Variants in GRIK4 observed in about 807,000 individuals in gnomAD.
GRIK4 encodes the protein glutamate receptor ionotropic, kainate 4.
In GRIK4, 40 loss-of-function variants were observed where a neutral mutation model predicts 104.9. The observed-to-expected ratio is 0.38, with a 90% CI of 0.30 to 0.50. The LOEUF (loss-of-function observed/expected upper bound fraction) is 0.50. GRIK4 is among the 20% of genes least tolerant of loss of function. GRIK4 has a pLI of 0.93. For missense variants in GRIK4, 1,047 were observed against 1,308.1 expected (o/e 0.80, Z 3.08); for synonymous variants, 485 against 524.9 (o/e 0.92, Z 1.04).
chr11:120,619,458 T>A (rs1949157872), intron 1 of GRIK4, among the ~76,000 whole-genome samples: 1 of 152,144 alleles, frequency 6.6e-6, no homozygotes, highest in Non-Finnish European at 1.5e-5. Context: ...TTGGAAGGCA[T>A]GATTATATTT....
At chr11:120,976,411 A>C (rs1944561663) in intron 19 of GRIK4, among the ~76,000 whole-genome samples, 1 of 152,256 alleles carries the variant, frequency 6.6e-6, no homozygotes, top group Non-Finnish European at 1.5e-5. Context: ...CCGTTTCAAC[A>C]TGATGAATCA....
intron 9 of GRIK4, chr11:120,872,036 C>T: frequency 2.5e-6 from 1 of 404,334 alleles, no homozygotes; most frequent in African/African-American, 2.1e-5. Flanking sequence ...CCTGTCCTTA[C>T]CACTCCCTGG....
At chr11:120,745,809 A>T (rs148272452) in intron 3 of GRIK4, among the ~76,000 whole-genome samples, 5 of 152,308 alleles carry the variant, frequency 3.3e-5, no homozygotes, top group Non-Finnish European at 5.9e-5. Flanking sequence ...CTTGTTTTGG[A>T]CTGTAGAACA....
At chr11:120,799,972 C>T (rs1018538419) in intron 3 of GRIK4, among the ~76,000 whole-genome samples, 2 of 151,618 alleles carry the variant, frequency 1.3e-5, no homozygotes, top group Non-Finnish European at 2.9e-5. Context: ...CTCAGCACCC[C>T]GAGTAGCTGG....
chr11:120,793,385 G>T (rs1219257630), intron 3 of GRIK4, among the ~76,000 whole-genome samples: 1 of 152,146 alleles, frequency 6.6e-6, no homozygotes, highest in East Asian at 1.9e-4. Flanking sequence ...TGTTAGCACA[G>T]GGGAGCCAGC....
At chr11:120,528,217 T>TC (rs1947880863) in intron 1 of GRIK4, among the ~76,000 whole-genome samples, 1 of 152,224 alleles carries the variant, frequency 6.6e-6, no homozygotes, top group South Asian at 2.1e-4. Flanking sequence ...GCTCAAGCAG[T>TC]CTGCCTGCCT....
At chr11:120,825,216 G>A (rs571276134) in intron 6 of GRIK4, among the ~76,000 whole-genome samples, 49 of 152,226 alleles carry the variant, frequency 3.2e-4, no homozygotes, top group Middle Eastern at 3.4e-3. Context: ...ATGAACCACC[G>A]CGCCTGGCCT....
At chr11:120,526,817 C>A (rs1947862628) in intron 1 of GRIK4, among the ~76,000 whole-genome samples, 1 of 152,078 alleles carries the variant, frequency 6.6e-6, no homozygotes, top group South Asian at 2.1e-4. Flanking sequence ...CCATTGCACT[C>A]CAGCCTGTGC....
intron 4 of GRIK4, among the ~76,000 whole-genome samples, chr11:120,810,653 C>G (rs1952810661): frequency 6.6e-6 from 1 of 152,000 alleles, no homozygotes; most frequent in Non-Finnish European, 1.5e-5. Flanking sequence ...AAATAAATAA[C>G]AAAAATCCAA....
intron 3 of GRIK4, among the ~76,000 whole-genome samples, chr11:120,661,234 A>G (rs916876708): frequency 5.9e-5 from 9 of 152,102 alleles, no homozygotes; most frequent in African/African-American, 1.7e-4. Context: ...AGGGGTGTCT[A>G]TGTGTACATC....
intron 11 of GRIK4, chr11:120,894,884 C>T (rs1592051932): frequency 6.6e-6 from 1 of 152,146 alleles, no homozygotes; most frequent in South Asian, 2.1e-4. Context: ...CTCTGAATCT[C>T]CCTTTCCCTC....
At chr11:120,641,735 AC>A (rs1949474436) in intron 1 of GRIK4, among the ~76,000 whole-genome samples, 1 of 151,908 alleles carries the variant, frequency 6.6e-6, no homozygotes. Flanking sequence ...TTTACCACAC[AC>A]CCTGTTTTAT....
rs1942796967 is a variant in GRIK4, at chr11:120,903,548, T to C, written c.1273-1742T>C. On this transcript the variant is annotated intron_variant, in intron 12 of 20. Transcript: ENST00000527524. The surrounding 1 kb of genome is among the most constrained non-coding windows in gnomAD (Gnocchi z 4.4). Reference sequence around the variant, plus strand: ...TCTCCCCTTTTCCAGGGATTTTCCCTTCCTGCCTGTAAATACACCCTGGAC... The same window carrying C: ...TCTCCCCTTTTCCAGGGATTTTCCCCTCCTGCCTGTAAATACACCCTGGAC... Among the ~76,000 whole-genome samples the C allele has an allele frequency of 6.6e-6, 1 of 152,152 alleles. No individual in the cohort carries two copies. Among genetic ancestry groups the C allele is most frequent in the Non-Finnish European group, 1.5e-5 (1 of 68,024 alleles).
Position 120,875,196 on chromosome 11 carries a change from A to G in GRIK4, c.1117A>G (p.Asn373Asp), listed in dbSNP as rs756798670. 4.3e-6 allele frequency: 7 copies of G among 1,613,678 alleles called. No homozygotes were observed. The Admixed American group carries it at 1.0e-4, about 23-fold the overall frequency. Residue 373 changes from asparagine to aspartate, a missense_variant, in exon 11 of 21, where the codon AAC becomes GAC. Around this residue, in one of 3 missense-constraint regions of GRIK4, gnomAD observed 447 missense variants for 514.9 expected, o/e 0.87. Transcript: ENST00000527524. ...IEFNSKGQRS[N>D]YALKILQFTR... ...ATTCAACAGCAAAGGCCAGAGGTCC[A>G]ACTACGCTTTGAAAATCTTACAGTT...
chr11:120,528,142 T>C (rs1374650636), intron 1 of GRIK4, among the ~76,000 whole-genome samples: 1 of 152,190 alleles, frequency 6.6e-6, no homozygotes, highest in Non-Finnish European at 1.5e-5. Context: ...TTTTATTTTT[T>C]ATTTTTGTAT....
At position 120,524,385 on chromosome 11, in the gene GRIK4, G is replaced by T. The variant is rs551277915; in HGVS notation, c.-159+12498G>T. On this transcript the variant is annotated intron_variant, in intron 1 of 20. Coordinates refer to ENST00000527524, the MANE Select transcript of GRIK4 (RefSeq NM_014619.5). This position sits in a 1 kb window ranked among gnomAD's most constrained non-coding sequence, Gnocchi z 4.5. The stretch of plus-strand genomic sequence containing the variant: ...TGACTCTGGAAAGCTTGGATGGGCC[G>T]CCTTCGACTCGCAGATGTATGGGAT... Among the ~76,000 whole-genome samples the T allele has an allele frequency of 2.0e-4, 30 of 152,242 alleles. No individual in the cohort carries two copies. In the South Asian group the frequency reaches 6.2e-3, roughly 32 times the overall value.
intron 13 of GRIK4, among the ~76,000 whole-genome samples, chr11:120,931,078 C>T (rs536413495): frequency 1.3e-5 from 2 of 152,274 alleles, no homozygotes; most frequent in Admixed American, 6.5e-5. Flanking sequence ...CAATTATTAT[C>T]CCCACTTTAC....
At chr11:120,814,100 C>G (rs957840545) in intron 4 of GRIK4, among the ~76,000 whole-genome samples, 1 of 152,216 alleles carries the variant, frequency 6.6e-6, no homozygotes, top group Non-Finnish European at 1.5e-5. Flanking sequence ...GAGCTGGGCT[C>G]CTACTCTCTA....
chr11:120,634,418 C>T (rs377364569), intron 1 of GRIK4, among the ~76,000 whole-genome samples: 1 of 152,104 alleles, frequency 6.6e-6, no homozygotes, highest in African/African-American at 2.4e-5. Flanking sequence ...GCCACCATCC[C>T]GTGGTGCCAT....
Sources: gnomAD v4.1 joint callset for allele counts (sites outside exome capture counted in the v4.1 genomes callset) on GRCh38, gnomAD v4.1.1 for gene constraint, gnomAD v4.1.1 regional missense constraint, Gnocchi (gnomAD v3.1) non-coding constraint, MANE v1.5 for transcripts, NCBI Gene and HGNC (gene_info 2026-07-23, HGNC 2026-07-21) for gene names.